The following ZGRF1 variants were observed in gnomAD, a reference collection of about 807,000 sequenced individuals.
ZGRF1 encodes the protein 5'-3' DNA helicase ZGRF1.
Under a neutral mutation model 203.5 loss-of-function variants are expected in ZGRF1, and 196 were observed. The ratio of observed to expected loss-of-function variants is 0.96; its 90% CI spans 0.86 to 1.08. The LOEUF (loss-of-function observed/expected upper bound fraction) is 1.08. Among genes scored for constraint, ZGRF1 ranks in the 50% least tolerant of loss-of-function variants. ZGRF1 has a pLI of 0.00. For synonymous variants in ZGRF1, 809 were observed against 841.3 expected (o/e 0.96, Z 0.66); for missense variants, 2,326 against 2,416.3 (o/e 0.96, Z 0.78).
chr4:112,574,995 C>A (rs896854218), intron 16 of ZGRF1, among the ~76,000 whole-genome samples: 29 of 150,718 alleles, frequency 1.9e-4, no homozygotes, highest in Non-Finnish European at 2.4e-4. Flanking sequence ...TACTGCACTC[C>A]AGCTTCAGCA....
At position 112,560,760 on chromosome 4, in the gene ZGRF1, G is replaced by A. The variant is rs1741807126; in HGVS notation, c.4933C>T (p.His1645Tyr). ...TGTATGATTGTGATAGGGAAGGTAT[G>A]AGTTTGCAGTTCCTTCACTTCTTCA... The part of the protein sequence containing the change: ...SIEEVKELQT[H>Y]TFPITIIHGV... The change falls in exon 19 of 28, where the codon CAT (histidine) becomes TAT (tyrosine). Residue 1645 changes from histidine to tyrosine, a missense_variant. Transcript: ENST00000505019. 6.3e-7 allele frequency: 1 copy of A among 1,596,078 alleles called. No individual in the cohort carries two copies. The highest frequency in any genetic ancestry group is 8.6e-7 in the Non-Finnish European group (1 of 1,165,620).
rs780438924 is a variant in ZGRF1 at position 112,617,567 on chromosome 4, G to T, written c.2475C>A (p.Thr825=). 19 of 1,613,406 alleles carry T rather than the reference G, an allele frequency of 1.2e-5. No individual in the cohort carries two copies. Among genetic ancestry groups the T allele is most frequent in the Non-Finnish European group, 1.4e-5 (16 of 1,179,768 alleles). ...CACATAGCGACTTTAAAATAGAAAT[G>T]GTATTTACTAATCCAGAAAGTTCTG... The part of the protein sequence containing the change: ...NSSELSGLVN[T]ISILKSLCEH... Residue 825 remains threonine, a synonymous_variant, in exon 6 of 28, where the codon ACC becomes ACA. Coordinates refer to ENST00000505019, the MANE Select transcript of ZGRF1 (RefSeq NM_018392.5).
chr4:112,575,011 G>A (rs1744885097), intron 16 of ZGRF1, among the ~76,000 whole-genome samples: 1 of 150,342 alleles, frequency 6.7e-6, no homozygotes, highest in African/African-American at 2.5e-5. Flanking sequence ...CAGCAACAGA[G>A]TGAGACTCTG....
intron 15 of ZGRF1, among the ~76,000 whole-genome samples, chr4:112,583,189 C>T (rs531630981): frequency 9.9e-5 from 15 of 152,084 alleles, no homozygotes; most frequent in South Asian, 6.2e-4. Context: ...ATATCAGCTC[C>T]GAATAAAAAT....
In ZGRF1 at chr4:112,589,842, C is replaced by G; in HGVS notation, c.3009G>C (p.Leu1003Phe). 6.2e-7 allele frequency: 1 copy of G among 1,611,356 alleles called. No individual in the cohort carries two copies. The highest frequency in any genetic ancestry group is 1.1e-5 in the South Asian group (1 of 90,632). ...TCAAAGAAAAGGTAGAAACAGGGCT[C>G]AATGTAGAGATGTTTTCTTCTGGTG... ...VTSPEENIST[L>F]SPVSTFSLNS... Residue 1003 changes from leucine (L) to phenylalanine (F), a missense_variant, in exon 11 of 28, where the codon TTG (leucine) becomes TTC (phenylalanine). Transcript: ENST00000505019.
intron 21 of ZGRF1, 100 bp from the exon 22 acceptor site, chr4:112,554,082 T>A: frequency 9.3e-7 from 1 of 1,078,814 alleles, no homozygotes; most frequent in Non-Finnish European, 1.3e-6. Context: ...CTTTAAGTTT[T>A]AGGGTACATG....
At position 112,561,907 on chromosome 4, in the gene ZGRF1, T is replaced by TTC. The variant is rs1430409207; in HGVS notation, c.4697+462_4697+463dup. 1.6e-4 allele frequency among the ~76,000 whole-genome samples: 20 copies of TTC among 125,746 alleles called. No individual in the cohort carries two copies. In the East Asian group the frequency reaches 5.5e-3, roughly 35 times the overall value. 82.5% of individuals were successfully genotyped at this position (125,746 alleles called of 152,430 possible). A position where few individuals can be genotyped will look rare whatever the true frequency, so the allele number is the denominator to read the frequency against. The stretch of plus-strand genomic sequence containing the variant: ...GATGAAAAATAATGCATAATTCCTT[T>TTC]TCTCTTTTTTTTTTTTTTTTTTTTT... On this transcript the variant is annotated intron_variant, in intron 18 of 27. Transcript: ENST00000505019.
intron 16 of ZGRF1, among the ~76,000 whole-genome samples, chr4:112,575,595 C>T (rs1745037297): frequency 6.6e-6 from 1 of 152,172 alleles, no homozygotes; most frequent in Admixed American, 6.5e-5. Flanking sequence ...TGCGCTTTTC[C>T]AACAGTCTTA....
In ZGRF1 at chr4:112,589,876, T is replaced by C. The variant is rs768466082; in HGVS notation, c.2977-2A>G. 7.7e-6 allele frequency: 12 copies of C among 1,551,648 alleles called. No individual in the cohort carries two copies. The highest frequency in any genetic ancestry group is 1.0e-5 in the Non-Finnish European group (12 of 1,152,802). ...GATGTTTTCTTCTGGTGATGTCACC[T>C]ATACAGAAAGAAGAATCAAAACTAC... On this transcript the variant is annotated splice_acceptor_variant, in intron 10 of 27. Transcript: ENST00000505019. LOFTEE classifies it high-confidence loss of function.
rs1741331913 is a variant in ZGRF1, at chr4:112,558,310, CTAAT to C, written c.4961-5_4961-2del. On this transcript the variant is annotated splice_acceptor_variant and splice_polypyrimidine_tract_variant and intron_variant, in intron 19 of 27. Coordinates refer to ENST00000505019, the MANE Select transcript of ZGRF1 (RefSeq NM_018392.5). LOFTEE classifies it high-confidence loss of function. Reference sequence around the variant, plus strand: ...TAACTCTTTCCTGCTCCAAACACACCTAATTATTTTAAAAGAAGAAAAAAATAAA... The same window carrying C: ...TAACTCTTTCCTGCTCCAAACACACCTATTTTAAAAGAAGAAAAAAATAAA... 1 of 1,504,290 alleles carries C rather than the reference CTAAT, an allele frequency of 6.6e-7. No homozygotes were observed. Among genetic ancestry groups the C allele is most frequent in the South Asian group, 1.4e-5 (1 of 72,148 alleles). The allele number at this position is 1,504,290 out of a possible 1,614,324, so 93.2% of individuals were successfully genotyped here.
chr4:112,592,650 G>A (rs1197646722), intron 10 of ZGRF1, among the ~76,000 whole-genome samples: 1 of 151,974 alleles, frequency 6.6e-6, no homozygotes. Flanking sequence ...TTTTCTTTGT[G>A]CAAATGACTC....
chr4:112,552,047 G>T (rs573353189), intron 22 of ZGRF1, among the ~76,000 whole-genome samples: 2 of 152,270 alleles, frequency 1.3e-5, no homozygotes, highest in East Asian at 3.9e-4. Context: ...GGAGGCAGAG[G>T]TGGGAGGATC....
intron 7 of ZGRF1, among the ~76,000 whole-genome samples, chr4:112,612,080 C>T (rs2046701544): frequency 6.6e-6 from 1 of 152,032 alleles, no homozygotes; most frequent in African/African-American, 2.4e-5. Flanking sequence ...ATTCTCCTGC[C>T]TCAGCCTCCC....
In ZGRF1 at chr4:112,617,698, T is replaced by C. The variant is rs2149154420; in HGVS notation, c.2344A>G (p.Ile782Val). 6.2e-7 allele frequency: 1 copy of C among 1,614,084 alleles called. No homozygotes were observed. Among genetic ancestry groups the C allele is most frequent in the Non-Finnish European group, 8.5e-7 (1 of 1,179,976 alleles). The change falls in exon 6 of 28, where the codon ATA becomes GTA. Residue 782 changes from isoleucine to valine, a missense_variant. Physicochemically the swap from Ile to Val is conservative, Grantham distance 29. Transcript: ENST00000505019. ...HLISKDTEAHISEPEDLGKIR... is the reference protein window; with the variant it reads ...HLISKDTEAHVSEPEDLGKIR... ...TTTCCCAAATCTTCAGGTTCAGATATATGTGCTTCTGTGTCTTTGGAAATA... is the reference window on the plus strand; with the variant it reads ...TTTCCCAAATCTTCAGGTTCAGATACATGTGCTTCTGTGTCTTTGGAAATA...
intron 18 of ZGRF1, among the ~76,000 whole-genome samples, chr4:112,561,798 A>G (rs1742027236): frequency 6.6e-6 from 1 of 152,190 alleles, no homozygotes; most frequent in Non-Finnish European, 1.5e-5. Flanking sequence ...AAAAAATAAA[A>G]TCAATACTGA....
At chr4:112,580,521 C>T (rs1380422204) in intron 16 of ZGRF1, among the ~76,000 whole-genome samples, 1 of 151,670 alleles carries the variant, frequency 6.6e-6, no homozygotes, top group Non-Finnish European at 1.5e-5. Context: ...TTTTTGCAAT[C>T]TACTCATCTG....
At chr4:112,576,794 A>C in intron 16 of ZGRF1, among the ~76,000 whole-genome samples, 1 of 152,158 alleles carries the variant, frequency 6.6e-6, no homozygotes, top group Admixed American at 6.5e-5. Context: ...GACCAAATCT[A>C]CGTCTGATTG....
rs1456528659 is a variant in ZGRF1 at position 112,541,265 on chromosome 4, G to T, written c.5602C>A (p.His1868Asn). 6.6e-7 allele frequency: 1 copy of T among 1,514,484 alleles called. No homozygotes were observed. The highest frequency in any genetic ancestry group is 1.3e-5 in the South Asian group (1 of 74,554). The allele number at this position is 1,514,484 out of a possible 1,614,324, so 93.8% of individuals were successfully genotyped here. The change falls in exon 25 of 28, where the codon CAC becomes AAC. Residue 1868 changes from histidine (H) to asparagine (N), a missense_variant. His to Asn is a moderately conservative substitution (Grantham distance 68). Transcript: ENST00000505019. The stretch of plus-strand genomic sequence containing the variant: ...TGAGTTCTCAATAGAATTGGCTTGT[G>T]ACCCTAAGAAATTTAAATGAAGAAA... ...TLFDRLCLMG[H>N]KPILLRTQYR...
chr4:112,601,817 G>A (rs1194813697), intron 10 of ZGRF1, among the ~76,000 whole-genome samples: 1 of 152,104 alleles, frequency 6.6e-6, no homozygotes, highest in East Asian at 1.9e-4. Context: ...GGTCAGGAAA[G>A]ATATTTGCAA....
Sources: gnomAD v4.1 joint callset for allele counts (sites outside exome capture counted in the v4.1 genomes callset) on GRCh38, gnomAD v4.1.1 for gene constraint, MANE v1.5 for transcripts, NCBI Gene and HGNC (gene_info 2026-07-23, HGNC 2026-07-21) for gene names.